ANKDD1A: variants seen among roughly 807,000 people sequenced by gnomAD.
ANKDD1A encodes ankyrin repeat and death domain-containing protein 1A.
Under a neutral mutation model 63.5 loss-of-function variants are expected in ANKDD1A, and 59 were observed. The ratio of observed to expected loss-of-function variants is 0.93; its 90% confidence interval spans 0.75 to 1.15. ANKDD1A has a LOEUF of 1.15. ANKDD1A is among the 50% of genes most tolerant of loss of function. ANKDD1A has a pLI of 0.00. For synonymous variants in ANKDD1A, 266 were observed against 263.9 expected (o/e 1.01, Z -0.08); for missense variants, 632 against 656.4 (o/e 0.96, Z 0.41).
In ANKDD1A at chr15:64,929,202, CTT is replaced by C. The variant is rs1213941875; in HGVS notation, c.571-1619_571-1618del. Among the ~76,000 whole-genome samples, 5 of 152,174 alleles carry C rather than the reference CTT, an allele frequency of 3.3e-5. No individual in the cohort carries two copies. In the East Asian group the frequency reaches 9.6e-4, roughly 29 times the overall value. Reference sequence around the variant, plus strand: ...ATTCAATTTTTTTTTGAGACAAGATCTTACTCTGTTGCCCAGGCTGGAGTGTA... The same window carrying C: ...ATTCAATTTTTTTTTGAGACAAGATCACTCTGTTGCCCAGGCTGGAGTGTA... On this transcript the variant is annotated intron_variant, in intron 6 of 14. Transcript: ENST00000319580.
intron 4 of ANKDD1A, 70 bp downstream of exon 4, chr15:64,922,089 C>T: frequency 7.0e-7 from 1 of 1,421,378 alleles, no homozygotes. Flanking sequence ...CTCCCCCGAC[C>T]TCTGTCCCCC....
chr15:64,928,737 G>A (rs1442470192), intron 6 of ANKDD1A, among the ~76,000 whole-genome samples: 1 of 152,242 alleles, frequency 6.6e-6, no homozygotes, highest in Non-Finnish European at 1.5e-5. Context: ...CCTCACAGAA[G>A]TGGAGATGCT....
At chr15:64,921,897 C>T (rs2085009318) in intron 3 of ANKDD1A, 24 bp from the exon 4 acceptor site, 9 of 1,609,218 alleles carry the variant, frequency 5.6e-6, no homozygotes, top group South Asian at 4.4e-5. Flanking sequence ...ATTCTTCTCA[C>T]CTCCTCTATG....
intron 9 of ANKDD1A, among the ~76,000 whole-genome samples, chr15:64,939,897 T>C (rs2085166946): frequency 6.6e-6 from 1 of 151,730 alleles, no homozygotes; most frequent in African/African-American, 2.4e-5. Flanking sequence ...TTAGAAAAAA[T>C]ATAAGGAGGA....
At chr15:64,914,480 A>G (rs186660500) in intron 1 of ANKDD1A, among the ~76,000 whole-genome samples, 88 of 152,202 alleles carry the variant, frequency 5.8e-4, no homozygotes, top group African/African-American at 2.0e-3. Flanking sequence ...TTTTGTAGAG[A>G]TGGAGGTTTT....
At chr15:64,953,797 TCTTC>T (rs1212460102) in intron 14 of ANKDD1A, among the ~76,000 whole-genome samples, 17 of 134,950 alleles carry the variant, frequency 1.3e-4, no homozygotes, top group African/African-American at 4.6e-4. Flanking sequence ...TCTGCTTTCT[TCTTC>T]CTTTTTTTCT....
intron 14 of ANKDD1A, among the ~76,000 whole-genome samples, chr15:64,953,066 TTTCC>T (rs1331957921): frequency 6.7e-6 from 1 of 148,318 alleles, no homozygotes; most frequent in African/African-American, 2.5e-5. Flanking sequence ...TTTCTTCCTC[TTTCC>T]TTCTTTCTTC....
chr15:64,942,672 CTTTTTTT>C, intron 10 of ANKDD1A, 107 bp downstream of exon 10: 1 of 474,628 alleles, frequency 2.1e-6, no homozygotes, highest in Non-Finnish European at 3.6e-6. Flanking sequence ...TGAGGAATCA[CTTTTTTT>C]TTTTTTTTTT....
intron 14 of ANKDD1A, among the ~76,000 whole-genome samples, chr15:64,952,409 CT>C (rs1595859246): frequency 0.36 from 3,346 of 9,394 alleles, 62 homozygotes; most frequent in Middle Eastern, 0.5. Context: ...CCTTCTTCTT[CT>C]TCTCCTTCTT....
At chr15:64,941,323 A>T (rs2085183392) in intron 9 of ANKDD1A, among the ~76,000 whole-genome samples, 1 of 152,168 alleles carries the variant, frequency 6.6e-6, no homozygotes, top group Admixed American at 6.5e-5. Context: ...CTATAACTGA[A>T]TACCATAGAC....
chr15:64,951,673 T>TTC (rs2085281939), intron 14 of ANKDD1A, among the ~76,000 whole-genome samples: 2 of 17,392 alleles, frequency 1.1e-4, no homozygotes, highest in African/African-American at 1.4e-4. Context: ...TTTTTCTTTC[T>TTC]TTCCTTCTTT....
intron 6 of ANKDD1A, among the ~76,000 whole-genome samples, chr15:64,929,581 A>G (rs757579386): frequency 6.6e-6 from 1 of 152,148 alleles, no homozygotes; most frequent in Non-Finnish European, 1.5e-5. Flanking sequence ...TCTCTTGGCT[A>G]TGTCACTGTC....
In ANKDD1A at chr15:64,957,322, T is replaced by G. The variant is rs2085426228; in HGVS notation, c.*134T>G. 1 of 279,486 alleles carries G rather than the reference T, an allele frequency of 3.6e-6. No homozygotes were observed. The highest frequency in any genetic ancestry group is 5.2e-5 in the Admixed American group (1 of 19,192). The allele number at this position is 279,486 out of a possible 1,614,324, so 17.3% of individuals were successfully genotyped here. ...TTATTCCTTTTTCCACCTTAAATAA[T>G]AAGAGTAGAATACTTTCTGTGTTTT... On this transcript the variant is annotated 3_prime_UTR_variant, in exon 15 of 15. Coordinates refer to ENST00000319580, the MANE Select transcript of ANKDD1A (RefSeq NM_182703.6).
rs772162509 is a variant in ANKDD1A at position 64,944,723 on chromosome 15, T to C, written c.1137T>C (p.Ala379=). Residue 379 remains alanine (A), a synonymous_variant, in exon 12 of 15, where the codon GCT becomes GCC. Coordinates refer to ENST00000319580, the MANE Select transcript of ANKDD1A (RefSeq NM_182703.6). ...HVSLVDMIIK[A]DRFYRWEKDH... Reference sequence around the variant, plus strand: ...GCCTGGTGGACATGATCATAAAAGCTGATCGTTTCTACAGATGGGAGAAGG... The same window carrying C: ...GCCTGGTGGACATGATCATAAAAGCCGATCGTTTCTACAGATGGGAGAAGG... The C allele has an allele frequency of 1.2e-6, 2 of 1,614,128 alleles. No homozygotes were observed. Among genetic ancestry groups the C allele is most frequent in the Admixed American group, 3.3e-5 (2 of 60,024 alleles).
At chr15:64,940,879 C>T (rs968277094) in intron 9 of ANKDD1A, among the ~76,000 whole-genome samples, 7 of 152,154 alleles carry the variant, frequency 4.6e-5, no homozygotes, top group African/African-American at 1.7e-4. Flanking sequence ...GCTGAAACTA[C>T]AGGTGTGCAC....
intron 14 of ANKDD1A, among the ~76,000 whole-genome samples, chr15:64,953,961 T>G: frequency 1.5e-4 from 1 of 6,880 alleles, no homozygotes; most frequent in Non-Finnish European, 3.5e-4. Flanking sequence ...TATTGTTTCT[T>G]TTTTTCTTCT....
intron 14 of ANKDD1A, among the ~76,000 whole-genome samples, chr15:64,956,235 TTTTTTTTC>T (rs1408675105): frequency 7.0e-5 from 7 of 99,798 alleles, no homozygotes; most frequent in South Asian, 2.9e-4. Context: ...TGGATTCCTT[TTTTTTTTC>T]TTTTTTTTTG....
chr15:64,944,767 G>C lies in ANKDD1A; in HGVS notation c.1161+20G>C. On this transcript the variant is annotated intron_variant, in intron 12 of 14. Transcript: ENST00000319580. ...GAGAAGGTACGGAGGCCTCACGCTT[G>C]ATCTTTCCTCATTGGAAAGGGAGTG... 2 of 1,610,558 alleles carry C rather than the reference G, an allele frequency of 1.2e-6. No individual in the cohort carries two copies. The highest frequency in any genetic ancestry group is 8.5e-7 in the Non-Finnish European group (1 of 1,177,412).
chr15:64,927,714 C>T (rs1435444023), intron 6 of ANKDD1A, among the ~76,000 whole-genome samples: 2 of 151,316 alleles, frequency 1.3e-5, no homozygotes, highest in African/African-American at 2.4e-5. Flanking sequence ...ACACCATTCT[C>T]CTGCCTCAGC....
Sources: gnomAD v4.1 joint callset for allele counts (sites outside exome capture counted in the v4.1 genomes callset) on GRCh38, gnomAD v4.1.1 for gene constraint, MANE v1.5 for transcripts, NCBI Gene and HGNC (gene_info 2026-07-23, HGNC 2026-07-21) for gene names.